Variants in PLXNB1 observed in about 807,000 individuals in gnomAD.
The protein encoded by PLXNB1 is plexin-B1.
In PLXNB1, 106 loss-of-function variants were observed where a neutral mutation model predicts 209.4. That is an observed-to-expected ratio of 0.51 (90% CI 0.43 to 0.59). The LOEUF is 0.59. Among genes scored for constraint, PLXNB1 ranks in the 20% least tolerant of loss-of-function variants. The pLI is 0.00. For missense variants in PLXNB1, 2,357 were observed against 2,853.2 expected (o/e 0.83, Z 3.96); for synonymous variants, 1,167 against 1,183.2 (o/e 0.99, Z 0.28).
chr3:48,413,609 C>T lies in PLXNB1; in HGVS notation c.4535+61G>A. On this transcript the variant is annotated intron_variant, in intron 23 of 37. Transcript: ENST00000296440. This position sits in a 1 kb window ranked among gnomAD's most constrained non-coding sequence, Gnocchi z 5.4. ...TCCTGACTCCTGGCCCGGTCTGTCC[C>T]TTCCCAGTCCAGCCAGATCCCACGA... is the stretch of plus-strand genomic sequence containing the variant. 6.6e-7 allele frequency: 1 copy of T among 1,526,276 alleles called. No individual in the cohort carries two copies. The highest frequency in any genetic ancestry group is 8.9e-7 in the Non-Finnish European group (1 of 1,125,914). The allele number at this position is 1,526,276 out of a possible 1,614,324, so 94.5% of individuals were successfully genotyped here.
chr3:48,414,318 G>A (rs776348246), intron 21 of PLXNB1, among the ~76,000 whole-genome samples: 15 of 152,058 alleles, frequency 9.9e-5, no homozygotes, highest in Non-Finnish European at 1.5e-4. Context: ...CCCAAATCCT[G>A]CCCAGCTACC....
At position 48,424,058 on chromosome 3, in the gene PLXNB1, G is replaced by A; in HGVS notation, c.554C>T (p.Thr185Ile). ...GTCGGGCGGCCACAGGGCCCGGGTT[G>A]TGATGGGTGGAATGCCACCCCCCAC... ...RGVGGGIPPI[T>I]TRALWPPDPQ... Residue 185 changes from threonine to isoleucine, a missense_variant, in exon 3 of 38, where the codon ACA becomes ATA. Thr to Ile is a moderately conservative substitution (Grantham distance 89). Coordinates refer to ENST00000296440, the MANE Select transcript of PLXNB1 (RefSeq NM_001130082.3). 1 of 1,587,910 alleles carries A rather than the reference G, an allele frequency of 6.3e-7. No homozygotes were observed. Among genetic ancestry groups the A allele is most frequent in the East Asian group, 2.3e-5 (1 of 43,538 alleles).
In PLXNB1 at chr3:48,418,087, C is replaced by A; in HGVS notation, c.3223-25G>T. 1 of 1,609,578 alleles carries A rather than the reference C, an allele frequency of 6.2e-7. No individual in the cohort carries two copies. Among genetic ancestry groups the A allele is most frequent in the African/African-American group, 1.3e-5 (1 of 75,026 alleles). On this transcript the variant is annotated intron_variant, in intron 15 of 37. Coordinates refer to ENST00000296440, the MANE Select transcript of PLXNB1 (RefSeq NM_001130082.3). The surrounding 1 kb of genome is among the most constrained non-coding windows in gnomAD (Gnocchi z 6.6). The stretch of plus-strand genomic sequence containing the variant: ...CCTGTTCCAGGACAAGGACTGCTCA[C>A]CTCTACTCAACTGGAAAGGCAGCCC...
At chr3:48,412,107 G>A (rs1224270021) in intron 27 of PLXNB1, 98 bp from the exon 28 acceptor site, 22 of 1,488,220 alleles carry the variant, frequency 1.5e-5, no homozygotes, top group Non-Finnish European at 1.0e-5. Flanking sequence ...GGCTTAAGGG[G>A]ACTGAGGACA....
Position 48,418,172 on chromosome 3 carries a change from G to A in PLXNB1, c.3222+19C>T. 1.2e-6 allele frequency: 2 copies of A among 1,610,702 alleles called. No homozygotes were observed. The highest frequency in any genetic ancestry group is 1.7e-6 in the Non-Finnish European group (2 of 1,178,728). The stretch of plus-strand genomic sequence containing the variant: ...CTAAGGGCAGCACTGAGGAAGGGAT[G>A]GCCAGCCTTTCAACAAACCGAGTGG... On this transcript the variant is annotated intron_variant, in intron 15 of 37. Coordinates refer to ENST00000296440, the MANE Select transcript of PLXNB1 (RefSeq NM_001130082.3). The surrounding 1 kb of genome is among the most constrained non-coding windows in gnomAD (Gnocchi z 6.6).
chr3:48,415,181 G>A lies in PLXNB1; in HGVS notation c.3961C>T (p.Gln1321Ter). 6.2e-7 allele frequency: 1 copy of A among 1,611,262 alleles called. No individual in the cohort carries two copies. Among genetic ancestry groups the A allele is most frequent in the Non-Finnish European group, 8.5e-7 (1 of 1,178,112 alleles). ...GGTACCCAAGGGTGTCCTACTTGCT[G>A]GCTACTGCAGGAGGGTCCAAGGGAA... Reference protein sequence around the residue: ...ACSLGPSCSSQQFEEPCHVNS... With the variant: ...ACSLGPSCSS The change falls in exon 20 of 38, where the codon CAG becomes TAG. Residue 1321 changes from glutamine (Q) to a stop codon, truncating the protein, a stop_gained. Transcript: ENST00000296440. LOFTEE classifies it high-confidence loss of function. The surrounding 1 kb of genome is among the most constrained non-coding windows in gnomAD (Gnocchi z 5.0).
intron 24 of PLXNB1, 30 bp from the exon 25 acceptor site, chr3:48,412,989 C>A (rs2037799493): frequency 6.2e-7 from 1 of 1,611,268 alleles, no homozygotes; most frequent in Admixed American, 1.7e-5. Flanking sequence ...AGGTTAAGCA[C>A]CTGTTAAGCA....
intron 34 of PLXNB1, among the ~76,000 whole-genome samples, chr3:48,407,397 C>A (rs564586943): frequency 6.6e-6 from 1 of 152,152 alleles, no homozygotes; most frequent in Non-Finnish European, 1.5e-5. Flanking sequence ...TAGGGCAGGA[C>A]GCATGCTGTT....
At chr3:48,408,452 G>A (rs774641240) in intron 34 of PLXNB1, among the ~76,000 whole-genome samples, 1 of 152,170 alleles carries the variant, frequency 6.6e-6, no homozygotes, top group Admixed American at 6.5e-5. Flanking sequence ...CTGGGTGCTT[G>A]AGCAGACACC....
At position 48,423,851 on chromosome 3, in the gene PLXNB1, C is replaced by T. The variant is rs755602385; in HGVS notation, c.761G>A (p.Arg254Gln). The T allele has an allele frequency of 1.1e-5, 17 of 1,613,868 alleles. No individual in the cohort carries two copies. The highest frequency in any genetic ancestry group is 2.2e-5 in the East Asian group (1 of 44,886). ...CACATAGGAGTAGTAGTGCTGGTCC[C>T]GGAGACACACTCGAGATACATAGGC... The part of the protein sequence containing the change: ...FRAYVSRVCL[R>Q]DQHYYSYVEL... The change falls in exon 3 of 38, where the codon CGG becomes CAG. Residue 254 changes from arginine (R) to glutamine (Q), a missense_variant. Coordinates refer to ENST00000296440, the MANE Select transcript of PLXNB1 (RefSeq NM_001130082.3).
Position 48,413,965 on chromosome 3 carries a change from G to T in PLXNB1, c.4316C>A (p.Pro1439His). ...CCGTGGCAGGGGCTGCTCCACGGGGGGCTCGCAGTACAGGTGGTGCCGCGT... is the reference window on the plus strand; with the variant it reads ...CCGTGGCAGGGGCTGCTCCACGGGGTGCTCGCAGTACAGGTGGTGCCGCGT... ...TLTRHHLYCE[P>H]PVEQPLPRHH... The change falls in exon 22 of 38, where the codon CCC (proline) becomes CAC (histidine). Residue 1439 changes from proline (P) to histidine (H), a missense_variant. Around this residue, in one of 7 missense-constraint regions of PLXNB1, gnomAD observed 743 missense variants for 896.2 expected, o/e 0.83. Transcript: ENST00000296440. This position sits in a 1 kb window ranked among gnomAD's most constrained non-coding sequence, Gnocchi z 5.4. The T allele has an allele frequency of 6.2e-7, 1 of 1,613,600 alleles. No homozygotes were observed. Among genetic ancestry groups the T allele is most frequent in the Non-Finnish European group, 8.5e-7 (1 of 1,179,940 alleles).
Position 48,410,606 on chromosome 3 carries a change from C to A in PLXNB1, c.5417-48G>T, listed in dbSNP as rs777724071. ...GGTGCAGGGCTGGAAGATACCCTTC[C>A]CATAGTGGAGCCCATCTCCTCCTCC... On this transcript the variant is annotated intron_variant, in intron 29 of 37. Coordinates refer to ENST00000296440, the MANE Select transcript of PLXNB1 (RefSeq NM_001130082.3). The surrounding 1 kb of genome is among the most constrained non-coding windows in gnomAD (Gnocchi z 6.4). 2 of 1,488,932 alleles carry A rather than the reference C, an allele frequency of 1.3e-6. No individual in the cohort carries two copies. Among genetic ancestry groups the A allele is most frequent in the African/African-American group, 2.8e-5 (2 of 72,500 alleles). 92.2% of individuals were successfully genotyped at this position (1,488,932 alleles called of 1,614,324 possible).
chr3:48,414,535 G>A (rs1444170284), intron 21 of PLXNB1, among the ~76,000 whole-genome samples: 1 of 152,172 alleles, frequency 6.6e-6, no homozygotes, highest in Non-Finnish European at 1.5e-5. Context: ...TACTGCACAG[G>A]CCGAACATAC....
In PLXNB1 at chr3:48,415,839, A is replaced by C; in HGVS notation, c.3618-80T>G. ...ACTCAGGCCCCAACTGGCTTCCCTC[A>C]AGCGCTGACTGCAGTCTCCACCAGG... On this transcript the variant is annotated intron_variant, in intron 18 of 37. Transcript: ENST00000296440. The surrounding 1 kb of genome is among the most constrained non-coding windows in gnomAD (Gnocchi z 5.0). The C allele has an allele frequency of 7.1e-7, 1 of 1,415,062 alleles. No individual in the cohort carries two copies. Among genetic ancestry groups the C allele is most frequent in the Admixed American group, 2.1e-5 (1 of 47,618 alleles). The allele number at this position is 1,415,062 out of a possible 1,614,324, so 87.7% of individuals were successfully genotyped here.
At position 48,418,407 on chromosome 3, in the gene PLXNB1, C is replaced by G. The variant is rs1243544389; in HGVS notation, c.3049+42G>C. Reference sequence around the variant, plus strand: ...CACGTGAGAGGCAGGCCTGGGAGAGCCCTGCTACCACCGCCAGCCCAGCAG... The same window carrying G: ...CACGTGAGAGGCAGGCCTGGGAGAGGCCTGCTACCACCGCCAGCCCAGCAG... On this transcript the variant is annotated intron_variant, in intron 14 of 37. Coordinates refer to ENST00000296440, the MANE Select transcript of PLXNB1 (RefSeq NM_001130082.3). The surrounding 1 kb of genome is among the most constrained non-coding windows in gnomAD (Gnocchi z 6.6). 1.2e-6 allele frequency: 2 copies of G among 1,612,656 alleles called. No homozygotes were observed. The highest frequency in any genetic ancestry group is 2.2e-5 in the South Asian group (2 of 91,038).
chr3:48,418,490 C>T lies in PLXNB1; in HGVS notation c.3008G>A (p.Arg1003Gln), dbSNP rs745606314. 8.7e-6 allele frequency: 14 copies of T among 1,612,252 alleles called. No individual in the cohort carries two copies. The highest frequency in any genetic ancestry group is 2.2e-5 in the South Asian group (2 of 90,920). Residue 1003 changes from arginine to glutamine, a missense_variant, in exon 14 of 38, where the codon CGG becomes CAG. Transcript: ENST00000296440. This position sits in a 1 kb window ranked among gnomAD's most constrained non-coding sequence, Gnocchi z 6.6. ...PELRVGLFLR[R>Q]AGRLRVDSAE... ...ACTGTCCACACGCAGACGGCCGGCC[C>T]GACGCAGAAACAGCCCCACACGGAG...
Position 48,405,052 on chromosome 3 carries a change from A to C in PLXNB1, c.6304-462T>G, listed in dbSNP as rs1485617141. 6.6e-6 allele frequency among the ~76,000 whole-genome samples: 1 copy of C among 152,186 alleles called. No individual in the cohort carries two copies. The highest frequency in any genetic ancestry group is 2.4e-5 in the African/African-American group (1 of 41,436). On this transcript the variant is annotated intron_variant, in intron 37 of 37. Coordinates refer to ENST00000296440, the MANE Select transcript of PLXNB1 (RefSeq NM_001130082.3). The surrounding 1 kb of genome is among the most constrained non-coding windows in gnomAD (Gnocchi z 5.0). The stretch of plus-strand genomic sequence containing the variant: ...GGAGGGCAGCAGCACTTGGGAAAAC[A>C]GCTACTGCCCACTATGTCTCCACAA...
rs2038083122 is a variant in PLXNB1, at chr3:48,416,161, T to G, written c.3487A>C (p.Lys1163Gln). ...SEHDFAYQDP[K>Q]VHSIFPARGP... ...CGGGCCGGGAAGATGGAATGGACCT[T>G]CGGATCCTGTGGGACAGACAGGGAG... Residue 1163 changes from lysine to glutamine, a missense_variant, in exon 18 of 38, where the codon AAG (lysine) becomes CAG (glutamine). By Grantham distance (53) the Lys-to-Gln change is moderately conservative. Coordinates refer to ENST00000296440, the MANE Select transcript of PLXNB1 (RefSeq NM_001130082.3). The surrounding 1 kb of genome is among the most constrained non-coding windows in gnomAD (Gnocchi z 4.1). The G allele has an allele frequency of 5.6e-6, 9 of 1,598,626 alleles. No individual in the cohort carries two copies. The highest frequency in any genetic ancestry group is 7.7e-6 in the Non-Finnish European group (9 of 1,172,980).
In PLXNB1 at chr3:48,410,005, G is replaced by C. The variant is rs377149806; in HGVS notation, c.5678C>G (p.Pro1893Arg). Residue 1893 changes from proline to arginine, a missense_variant, in exon 32 of 38, where the codon CCG becomes CGG. Around this residue, in one of 7 missense-constraint regions of PLXNB1, gnomAD observed 414 missense variants for 520.5 expected, o/e 0.80. Transcript: ENST00000296440. This position sits in a 1 kb window ranked among gnomAD's most constrained non-coding sequence, Gnocchi z 6.4. ...GCCCCTCCGAGGCCTGGGCGGCTCC[G>C]GCTCATCACTTGGCTTCACCAGGTG... Reference protein sequence around the residue: ...PWHLVKPSDEPEPPRPRRGSL... With the variant: ...PWHLVKPSDEREPPRPRRGSL... 2 of 1,612,748 alleles carry C rather than the reference G, an allele frequency of 1.2e-6. No homozygotes were observed. The highest frequency in any genetic ancestry group is 2.2e-5 in the East Asian group (1 of 44,852).
Sources: gnomAD v4.1 joint callset for allele counts (sites outside exome capture counted in the v4.1 genomes callset) on GRCh38, gnomAD v4.1.1 for gene constraint, gnomAD v4.1.1 regional missense constraint, Gnocchi (gnomAD v3.1) non-coding constraint, MANE v1.5 for transcripts, NCBI Gene and HGNC (gene_info 2026-07-23, HGNC 2026-07-21) for gene names.